The following TMEM208 variants were observed in gnomAD, a reference collection of about 807,000 sequenced individuals.
TMEM208 encodes the protein transmembrane protein 208.
In TMEM208, 19 loss-of-function variants were observed where a neutral mutation model predicts 26.4. That is an observed-to-expected ratio of 0.72 (90% CI 0.50 to 1.06). The LOEUF (loss-of-function observed/expected upper bound fraction) is 1.06. Ranked by LOEUF, TMEM208 falls within the 50% of genes least tolerant of loss-of-function variation. The pLI is 0.00. For missense variants in TMEM208, 183 were observed against 219.8 expected (o/e 0.83, Z 1.06); for synonymous variants, 93 against 83.1 (o/e 1.12, Z -0.65).
At chr16:67,227,987 A>C (rs2034090007) in intron 2 of TMEM208, 56 bp downstream of exon 2, 1 of 1,419,630 alleles carries the variant, frequency 7.0e-7, no homozygotes, top group Non-Finnish European at 9.6e-7. Context: ...CCTAGTCCTC[A>C]GCCCTGCTTG....
chr16:67,228,780 T>G lies in TMEM208; in HGVS notation c.300-17T>G. On this transcript the variant is annotated splice_polypyrimidine_tract_variant and intron_variant, in intron 4 of 5. Coordinates refer to ENST00000304800, the MANE Select transcript of TMEM208 (RefSeq NM_014187.4). ...AGGGCCCATATGCTGTCTTTCCAGC[T>G]TTATTTCTATCCACAGGCACCTTAA... 2.5e-6 allele frequency: 4 copies of G among 1,607,432 alleles called. No individual in the cohort carries two copies. The highest frequency in any genetic ancestry group is 3.4e-6 in the Non-Finnish European group (4 of 1,177,130).
chr16:67,228,527 G>A lies in TMEM208; in HGVS notation c.195G>A (p.Gly65=). The A allele has an allele frequency of 6.2e-7, 1 of 1,612,814 alleles. No homozygotes were observed. Among genetic ancestry groups the A allele is most frequent in the South Asian group, 1.1e-5 (1 of 91,054 alleles). The change falls in exon 4 of 6, where the codon GGG becomes GGA. Residue 65 remains glycine (G), a synonymous_variant. Transcript: ENST00000304800. ...TGGGCTTTAGTCTGGCAGTGTATGG[G>A]GCCAGCTACCACTCTATGAGCTCGA... The part of the protein sequence containing the change: ...LALGFSLAVY[G]ASYHSMSSMA...
chr16:67,227,988 G>T, intron 2 of TMEM208, 57 bp downstream of exon 2: 1 of 1,408,428 alleles, frequency 7.1e-7, no homozygotes, highest in Non-Finnish European at 9.7e-7. Flanking sequence ...CTAGTCCTCA[G>T]CCCTGCTTGG....
chr16:67,228,738 A>C, intron 4 of TMEM208, 59 bp from the exon 5 acceptor site: 1 of 1,567,962 alleles, frequency 6.4e-7, no homozygotes, highest in Non-Finnish European at 8.7e-7. Context: ...AGGGAGTTGC[A>C]ACTTGAAAAG....
In TMEM208 at chr16:67,229,182, T is replaced by A; in HGVS notation, c.*69T>A. The A allele has an allele frequency of 1.3e-6, 2 of 1,487,770 alleles. No homozygotes were observed. Among genetic ancestry groups the A allele is most frequent in the Non-Finnish European group, 1.8e-6 (2 of 1,107,330 alleles). The allele number at this position is 1,487,770 out of a possible 1,614,324, so 92.2% of individuals were successfully genotyped here. ...GTCAGGGTGCACAGCCCCTCATGCC[T>A]GGAGCAATGAGGGTCTAGTCCAGGG... On this transcript the variant is annotated 3_prime_UTR_variant, in exon 6 of 6. Transcript: ENST00000304800.
At position 67,228,339 on chromosome 16, in the gene TMEM208, CT is replaced by C; in HGVS notation, c.103-15del. ...GGTAACTTCTGACCCCAACCTGATCCTGTGATTGCTTGCAGGCCATTTACTG... is the reference window on the plus strand; with the variant it reads ...GGTAACTTCTGACCCCAACCTGATCCGTGATTGCTTGCAGGCCATTTACTG... On this transcript the variant is annotated splice_polypyrimidine_tract_variant and intron_variant, in intron 2 of 5. Coordinates refer to ENST00000304800, the MANE Select transcript of TMEM208 (RefSeq NM_014187.4). 2.5e-6 allele frequency: 4 copies of C among 1,613,944 alleles called. No individual in the cohort carries two copies. The highest frequency in any genetic ancestry group is 1.3e-5 in the African/African-American group (1 of 75,026).
In TMEM208 at chr16:67,227,203, G is replaced by C; in HGVS notation, c.-16G>C. 2 of 1,612,060 alleles carry C rather than the reference G, an allele frequency of 1.2e-6. No homozygotes were observed. The highest frequency in any genetic ancestry group is 1.7e-6 in the Non-Finnish European group (2 of 1,178,650). The stretch of plus-strand genomic sequence containing the variant: ...CGCTCTCCCGTGTTTCCCGGGCTGG[G>C]TATTTGCCTCGCACCATGGCGGTAA... On this transcript the variant is annotated 5_prime_UTR_variant, in exon 1 of 6. Coordinates refer to ENST00000304800, the MANE Select transcript of TMEM208 (RefSeq NM_014187.4).
At position 67,229,239 on chromosome 16, in the gene TMEM208, T is replaced by A; in HGVS notation, c.*126T>A. ...AGCAGTCTGAGGTATTGGGTATACTTATACTCTATAGGGTCGTTGAATAAA... is the reference window on the plus strand; with the variant it reads ...AGCAGTCTGAGGTATTGGGTATACTAATACTCTATAGGGTCGTTGAATAAA... On this transcript the variant is annotated 3_prime_UTR_variant, in exon 6 of 6. Transcript: ENST00000304800. 1 of 944,120 alleles carries A rather than the reference T, an allele frequency of 1.1e-6. No individual in the cohort carries two copies. The highest frequency in any genetic ancestry group is 1.6e-6 in the Non-Finnish European group (1 of 639,166). The allele number at this position is 944,120 out of a possible 1,614,324, so 58.5% of individuals were successfully genotyped here. A position where few individuals can be genotyped will look rare whatever the true frequency, so the allele number is the denominator to read the frequency against.
Position 67,228,896 on chromosome 16 carries a change from G to A in TMEM208, c.384+15G>A. ...TCTGGCTTCTGGTATGTGGGCTGGG[G>A]GCGCTCCCAAGAAGGGGCATCTAAC... is the stretch of plus-strand genomic sequence containing the variant. On this transcript the variant is annotated intron_variant, in intron 5 of 5. Coordinates refer to ENST00000304800, the MANE Select transcript of TMEM208 (RefSeq NM_014187.4). 6.2e-7 allele frequency: 1 copy of A among 1,613,642 alleles called. No individual in the cohort carries two copies. Among genetic ancestry groups the A allele is most frequent in the South Asian group, 1.1e-5 (1 of 91,074 alleles).
In TMEM208 at chr16:67,227,844, C is replaced by G. The variant is rs746310517; in HGVS notation, c.15C>G (p.Gly5=). 8 of 1,607,640 alleles carry G rather than the reference C, an allele frequency of 5.0e-6. No homozygotes were observed. Among genetic ancestry groups the G allele is most frequent in the Non-Finnish European group, 6.8e-6 (8 of 1,177,048 alleles). The change falls in exon 2 of 6, where the codon GGC becomes GGG. Residue 5 remains glycine, a synonymous_variant. Transcript: ENST00000304800. Reference sequence around the variant, plus strand: ...TCATCATTCCTCTGCAGCCCAAGGGCAAAGTGGGCACGAGAGGGAAGAAGC... The same window carrying G: ...TCATCATTCCTCTGCAGCCCAAGGGGAAAGTGGGCACGAGAGGGAAGAAGC... MAPK[G]KVGTRGKKQI...
chr16:67,228,399 C>T lies in TMEM208; in HGVS notation c.147C>T (p.Ala49=). The part of the protein sequence containing the change: ...LVTLVFFYSS[A]SFWAWLALGF... The stretch of plus-strand genomic sequence containing the variant: ...CGTTGGTCTTCTTTTACTCATCTGC[C>T]TCATTTTGGGCCTGGGTAAGTATCT... The change falls in exon 3 of 6, where the codon GCC becomes GCT. Residue 49 remains alanine, a synonymous_variant. Coordinates refer to ENST00000304800, the MANE Select transcript of TMEM208 (RefSeq NM_014187.4). 1.2e-6 allele frequency: 2 copies of T among 1,614,012 alleles called. No individual in the cohort carries two copies. The highest frequency in any genetic ancestry group is 1.7e-6 in the Non-Finnish European group (2 of 1,179,898).
chr16:67,229,179 G>GCT lies in TMEM208; in HGVS notation c.*67_*68insTC. The GCT allele has an allele frequency of 6.7e-7, 1 of 1,485,060 alleles. No homozygotes were observed. The highest frequency in any genetic ancestry group is 9.1e-7 in the Non-Finnish European group (1 of 1,103,782). 92.0% of individuals were successfully genotyped at this position (1,485,060 alleles called of 1,614,324 possible). A position where few individuals can be genotyped will look rare whatever the true frequency, so the allele number is the denominator to read the frequency against. The stretch of plus-strand genomic sequence containing the variant: ...TCTGTCAGGGTGCACAGCCCCTCAT[G>GCT]CCTGGAGCAATGAGGGTCTAGTCCA... On this transcript the variant is annotated 3_prime_UTR_variant, in exon 6 of 6. Coordinates refer to ENST00000304800, the MANE Select transcript of TMEM208 (RefSeq NM_014187.4).
chr16:67,227,247 G>A, intron 1 of TMEM208, 23 bp downstream of exon 1: 1 of 1,609,322 alleles, frequency 6.2e-7, no homozygotes, highest in Non-Finnish European at 8.5e-7. Flanking sequence ...GATAGGGCGG[G>A]GTCCGCACCA....
rs746310517 is a variant in TMEM208 at position 67,227,844 on chromosome 16, C to T, written c.15C>T (p.Gly5=). 1.9e-6 allele frequency: 3 copies of T among 1,607,758 alleles called. No individual in the cohort carries two copies. In the South Asian group the frequency reaches 3.3e-5, roughly 18 times the overall value. MAPK[G]KVGTRGKKQI... ...TCATCATTCCTCTGCAGCCCAAGGG[C>T]AAAGTGGGCACGAGAGGGAAGAAGC... The change falls in exon 2 of 6, where the codon GGC becomes GGT. Residue 5 remains glycine, a synonymous_variant. Transcript: ENST00000304800.
Position 67,229,059 on chromosome 16 carries a change from G to A in TMEM208, c.468G>A (p.Glu156=), listed in dbSNP as rs1191887889. ...FTADSGTPAP[E]HNEKRQRRQE... ...CAGACAGTGGCACCCCAGCACCAGA[G>A]CACAATGAGAAACGGCAGCGCCGAC... is the stretch of plus-strand genomic sequence containing the variant. The change falls in exon 6 of 6, where the codon GAG becomes GAA. Residue 156 remains glutamate, a synonymous_variant. Coordinates refer to ENST00000304800, the MANE Select transcript of TMEM208 (RefSeq NM_014187.4). 1.2e-6 allele frequency: 2 copies of A among 1,613,302 alleles called. No homozygotes were observed. The highest frequency in any genetic ancestry group is 1.7e-6 in the Non-Finnish European group (2 of 1,179,466).
chr16:67,228,783 A>G lies in TMEM208; in HGVS notation c.300-14A>G, dbSNP rs1298505967. The G allele has an allele frequency of 1.2e-6, 2 of 1,607,528 alleles. No homozygotes were observed. The highest frequency in any genetic ancestry group is 1.7e-6 in the Non-Finnish European group (2 of 1,177,278). Reference sequence around the variant, plus strand: ...GCCCATATGCTGTCTTTCCAGCTTTATTTCTATCCACAGGCACCTTAAGGA... The same window carrying G: ...GCCCATATGCTGTCTTTCCAGCTTTGTTTCTATCCACAGGCACCTTAAGGA... On this transcript the variant is annotated splice_polypyrimidine_tract_variant and intron_variant, in intron 4 of 5. Coordinates refer to ENST00000304800, the MANE Select transcript of TMEM208 (RefSeq NM_014187.4).
In TMEM208 at chr16:67,228,478, T is replaced by C; in HGVS notation, c.163-17T>C. ...GGTCAGTGGCTGGCCTTTGATACCC[T>C]CATTCTTGCTCTGCAGTTGGCCCTG... On this transcript the variant is annotated splice_polypyrimidine_tract_variant and intron_variant, in intron 3 of 5. Transcript: ENST00000304800. 6.2e-7 allele frequency: 1 copy of C among 1,613,934 alleles called. No homozygotes were observed.
intron 4 of TMEM208, 28 bp from the exon 5 acceptor site, chr16:67,228,769 G>A: frequency 6.2e-7 from 1 of 1,603,366 alleles, no homozygotes; most frequent in Non-Finnish European, 8.5e-7. Flanking sequence ...CCCATATGCT[G>A]TCTTTCCAGC....
intron 4 of TMEM208, 42 bp downstream of exon 4, chr16:67,228,673 G>A (rs1275364055): frequency 1.4e-5 from 21 of 1,543,040 alleles, no homozygotes; most frequent in Non-Finnish European, 1.6e-5. Flanking sequence ...CGGCCCCAGG[G>A]CTGGGGCCCA....
Sources: allele counts gnomAD v4.1 joint callset, GRCh38; gene constraint gnomAD v4.1.1; transcripts MANE v1.5; gene names NCBI Gene and HGNC (gene_info 2026-07-23, HGNC 2026-07-21).